The following STAB2 variants were observed in gnomAD, a reference collection of about 807,000 sequenced individuals.
STAB2 encodes stabilin-2.
Under a neutral mutation model 338.1 loss-of-function variants are expected in STAB2, and 288 were observed. The ratio of observed to expected loss-of-function variants is 0.85; its 90% CI spans 0.77 to 0.94. The LOEUF is 0.94. Ranked by LOEUF, STAB2 falls within the 40% of genes least tolerant of loss-of-function variation. The probability of loss-of-function intolerance (pLI) is 0.00; values close to 1 mark genes in which losing one functional copy is unlikely to be tolerated. For missense variants in STAB2, 3,141 were observed against 3,210.1 expected (o/e 0.98, Z 0.52); for synonymous variants, 1,202 against 1,193.3 (o/e 1.01, Z -0.15).
In STAB2 at chr12:103,662,996, C is replaced by T; in HGVS notation, c.2020C>T (p.Leu674=). The part of the protein sequence containing the change: ...RCDETKREMK[L]GTCVSCSLVY... ...TGATGAAACAAAGAGAGAGATGAAA[C>T]TGGTAAGAAAACTAGGAAAATAAGT... Residue 674 remains leucine, a splice_region_variant and synonymous_variant, in exon 18 of 69, where the codon CTG becomes TTG. Transcript: ENST00000388887. The T allele has an allele frequency of 6.2e-7, 1 of 1,613,918 alleles. No homozygotes were observed. Among genetic ancestry groups the T allele is most frequent in the Non-Finnish European group, 8.5e-7 (1 of 1,179,930 alleles).
At position 103,587,945 on chromosome 12, in the gene STAB2, T is replaced by C. The variant is rs373905325; in HGVS notation, c.81+388T>C. ...ATGGTCTGGGGAATTCCAGGGTGGA[T>C]ATCTCACTAAGGAACACAAGTATCA... On this transcript the variant is annotated intron_variant, in intron 1 of 68. Transcript: ENST00000388887. Among the ~76,000 whole-genome samples, 6 of 152,338 alleles carry C rather than the reference T, an allele frequency of 3.9e-5. No homozygotes were observed. In the East Asian group the frequency reaches 5.8e-4, roughly 15 times the overall value.
intron 11 of STAB2, among the ~76,000 whole-genome samples, chr12:103,652,241 G>A (rs563215859): frequency 6.6e-6 from 1 of 152,204 alleles, no homozygotes; most frequent in South Asian, 2.1e-4. Context: ...TCCTCCTGGG[G>A]CCATTGCGAT....
chr12:103,710,884 T>C (rs1879791782), intron 39 of STAB2, among the ~76,000 whole-genome samples: 1 of 152,192 alleles, frequency 6.6e-6, no homozygotes, highest in Non-Finnish European at 1.5e-5. Context: ...CTGGATCTTG[T>C]CCTGTCAAGA....
At position 103,746,617 on chromosome 12, in the gene STAB2, C is replaced by T. The variant is rs1883055421; in HGVS notation, c.6157C>T (p.Pro2053Ser). Residue 2053 changes from proline to serine, a missense_variant, in exon 58 of 69, where the codon CCT (proline) becomes TCT (serine). Transcript: ENST00000388887. ...TQAVLPAVCTPPCSAHATCKE... is the reference protein window; with the variant it reads ...TQAVLPAVCTSPCSAHATCKE... ...TGCAGTTTTGCCTGCAGTGTGTACGCCTCCTTGTTCTGCTCATGCCACCTG... is the reference window on the plus strand; with the variant it reads ...TGCAGTTTTGCCTGCAGTGTGTACGTCTCCTTGTTCTGCTCATGCCACCTG... 3 of 1,613,992 alleles carry T rather than the reference C, an allele frequency of 1.9e-6. No homozygotes were observed. Among genetic ancestry groups the T allele is most frequent in the Non-Finnish European group, 1.7e-6 (2 of 1,179,956 alleles).
chr12:103,697,044 A>G (rs1156299110), intron 33 of STAB2, among the ~76,000 whole-genome samples: 2 of 152,208 alleles, frequency 1.3e-5, no homozygotes, highest in African/African-American at 4.8e-5. Flanking sequence ...TAATAAGGAA[A>G]TAAGGAAGGC....
chr12:103,611,556 T>C (rs1363898798), intron 3 of STAB2, among the ~76,000 whole-genome samples: 3 of 152,194 alleles, frequency 2.0e-5, no homozygotes, highest in Non-Finnish European at 4.4e-5. Flanking sequence ...TCTTCCTCCA[T>C]CCCTTTATTT....
chr12:103,590,320 A>G (rs531343882), intron 1 of STAB2, among the ~76,000 whole-genome samples: 17 of 152,332 alleles, frequency 1.1e-4, no homozygotes, highest in African/African-American at 3.8e-4. Context: ...ACAACAGTGG[A>G]CAAAACAGAG....
intron 34 of STAB2, among the ~76,000 whole-genome samples, chr12:103,699,596 C>T (rs1345424696): frequency 6.6e-6 from 1 of 152,082 alleles, no homozygotes; most frequent in African/African-American, 2.4e-5. Flanking sequence ...GATTAAATTA[C>T]CTCCTACCAG....
rs1876083205 is a variant in STAB2, at chr12:103,673,960, T to C, written c.2425T>C (p.Cys809Arg). ...TAACAGGATAGACAGCGATGGGGCCTGCCTCACTGGCACATGCAGAGACGG... is the reference window on the plus strand; with the variant it reads ...TAACAGGATAGACAGCGATGGGGCCCGCCTCACTGGCACATGCAGAGACGG... Reference protein sequence around the residue: ...CNNRIDSDGACLTGTCRDGSA... With the variant: ...CNNRIDSDGARLTGTCRDGSA... Residue 809 changes from cysteine (C) to arginine (R), a missense_variant, in exon 23 of 69, where the codon TGC becomes CGC. Physicochemically the swap from Cys to Arg is radical, Grantham distance 180 (BLOSUM62 -3). Transcript: ENST00000388887. 6.2e-7 allele frequency: 1 copy of C among 1,614,112 alleles called. No individual in the cohort carries two copies. The highest frequency in any genetic ancestry group is 8.5e-7 in the Non-Finnish European group (1 of 1,180,030).
chr12:103,748,846 C>T (rs560685559), intron 58 of STAB2, 117 bp from the exon 59 acceptor site: 68 of 1,074,770 alleles, frequency 6.3e-5, no homozygotes, highest in South Asian at 3.1e-4. Context: ...AGCACGAACA[C>T]GCAGGGGCCC....
rs534239286 is a variant in STAB2, at chr12:103,744,900, T to C, written c.6032-273T>C. Among the ~76,000 whole-genome samples, 145 of 152,340 alleles carry C rather than the reference T, an allele frequency of 9.5e-4. No individual in the cohort carries two copies. In the Middle Eastern group the frequency reaches 0.02, roughly 21 times the overall value. On this transcript the variant is annotated intron_variant, in intron 56 of 68. Coordinates refer to ENST00000388887, the MANE Select transcript of STAB2 (RefSeq NM_017564.10). ...AACATTCATCTCACTTATAATTATA[T>C]GATCAACAGCTGGGCACTCTGAGAC...
At chr12:103,683,144 G>T in intron 25 of STAB2, 61 bp from the exon 26 acceptor site, 1 of 1,463,234 alleles carries the variant, frequency 6.8e-7, no homozygotes, top group South Asian at 1.2e-5. Context: ...GCTGTGTGAG[G>T]GAAAGACATG....
chr12:103,613,162 C>T (rs908593437), intron 3 of STAB2, among the ~76,000 whole-genome samples: 3 of 152,204 alleles, frequency 2.0e-5, no homozygotes, highest in South Asian at 2.1e-4. Flanking sequence ...GCAGTCTGTC[C>T]GTTCTCAGAT....
chr12:103,628,535 T>A (rs1957414011), intron 5 of STAB2, among the ~76,000 whole-genome samples: 1 of 152,148 alleles, frequency 6.6e-6, no homozygotes, highest in African/African-American at 2.4e-5. Flanking sequence ...AATATCAAGG[T>A]GTTGGCAGGG....
Position 103,761,321 on chromosome 12 carries a change from G to A in STAB2, c.7270G>A (p.Gly2424Arg). 3 of 1,614,050 alleles carry A rather than the reference G, an allele frequency of 1.9e-6. No homozygotes were observed. The highest frequency in any genetic ancestry group is 2.2e-5 in the South Asian group (2 of 91,058). The change falls in exon 66 of 69, where the codon GGA (glycine) becomes AGA (arginine). Residue 2424 changes from glycine (G) to arginine (R), a missense_variant. Coordinates refer to ENST00000388887, the MANE Select transcript of STAB2 (RefSeq NM_017564.10). Reference protein sequence around the residue: ...LQPTETRFVDGRAILQWDIFA... With the variant: ...LQPTETRFVDRRAILQWDIFA... ...CTAGACGGAGACCAGGTTTGTTGATGGAAGAGCCATTCTGCAGTGGGACAT... is the reference window on the plus strand; with the variant it reads ...CTAGACGGAGACCAGGTTTGTTGATAGAAGAGCCATTCTGCAGTGGGACAT...
Position 103,689,917 on chromosome 12 carries a change from T to G in STAB2, c.3117T>G (p.Thr1039=), listed in dbSNP as rs745970763. The part of the protein sequence containing the change: ...LTVLVPSQQA[T]EDMDQDEKSF... ...TCCTCGTGCCTTCCCAACAAGCTACTGAGGACATGGACCAGGATGAGAAAA... is the reference window on the plus strand; with the variant it reads ...TCCTCGTGCCTTCCCAACAAGCTACGGAGGACATGGACCAGGATGAGAAAA... The change falls in exon 29 of 69, where the codon ACT becomes ACG. Residue 1039 remains threonine, a synonymous_variant. Transcript: ENST00000388887. 2.5e-6 allele frequency: 4 copies of G among 1,614,192 alleles called. No individual in the cohort carries two copies. In the East Asian group the frequency reaches 8.9e-5, roughly 36 times the overall value.
intron 3 of STAB2, among the ~76,000 whole-genome samples, chr12:103,597,676 T>C (rs1267837655): frequency 6.6e-6 from 1 of 152,236 alleles, no homozygotes; most frequent in Non-Finnish European, 1.5e-5. Flanking sequence ...ATGGAGATCT[T>C]TCCTCATTAG....
chr12:103,714,358 AAT>A (rs1256831397), intron 42 of STAB2, among the ~76,000 whole-genome samples: 4 of 152,192 alleles, frequency 2.6e-5, no homozygotes, highest in Admixed American at 1.3e-4. Context: ...GAGTTATACA[AAT>A]AGCACAAAAA....
intron 3 of STAB2, among the ~76,000 whole-genome samples, chr12:103,597,043 CA>C (rs1956887264): frequency 6.7e-6 from 1 of 149,938 alleles, no homozygotes; most frequent in South Asian, 2.1e-4. Context: ...GCCAGGGAAG[CA>C]AAACATGAAA....
Sources: allele counts gnomAD v4.1 joint callset (sites outside exome capture counted in the v4.1 genomes callset), GRCh38; gene constraint gnomAD v4.1.1; transcripts MANE v1.5; gene names NCBI Gene and HGNC (gene_info 2026-07-23, HGNC 2026-07-21).